EML4: variants seen among roughly 807,000 people sequenced by gnomAD.
The protein encoded by EML4 is echinoderm microtubule-associated protein-like 4.
In EML4, 72 loss-of-function variants were observed where a neutral mutation model predicts 129.0. The ratio of observed to expected loss-of-function variants is 0.56; its 90% confidence interval spans 0.46 to 0.68. The LOEUF is 0.68. Ranked by LOEUF, EML4 falls within the 30% of genes least tolerant of loss-of-function variation. The pLI, the probability that EML4 is intolerant of heterozygous loss-of-function variation, is 0.00. For synonymous variants in EML4, 532 were observed against 405.0 expected (o/e 1.31, Z -3.77); for missense variants, 1,363 against 1,190.6 (o/e 1.14, Z -2.13).
intron 1 of EML4, among the ~76,000 whole-genome samples, chr2:42,236,833 CTT>C (rs1487702663): frequency 2.0e-5 from 3 of 152,088 alleles, no homozygotes; most frequent in Admixed American, 6.6e-5. Flanking sequence ...TGTTGTCACA[CTT>C]TACGTTTTTG....
At chr2:42,204,734 G>C (rs567501237) in intron 1 of EML4, among the ~76,000 whole-genome samples, 6 of 152,238 alleles carry the variant, frequency 3.9e-5, no homozygotes, top group African/African-American at 1.4e-4. Flanking sequence ...TGCTGTATTT[G>C]TTTTTTCTCC....
intron 1 of EML4, among the ~76,000 whole-genome samples, chr2:42,204,041 C>G: frequency 6.6e-6 from 1 of 152,022 alleles, no homozygotes; most frequent in Non-Finnish European, 1.5e-5. Context: ...CACCTCAGCC[C>G]TCCGAATAGC....
intron 5 of EML4, among the ~76,000 whole-genome samples, chr2:42,264,029 G>A (rs1292224179): frequency 1.3e-5 from 2 of 151,006 alleles, no homozygotes; most frequent in African/African-American, 4.9e-5. Context: ...GTGCCAGCCT[G>A]GTGTATGTTT....
chr2:42,206,215 A>AAT (rs1178595528), intron 1 of EML4, among the ~76,000 whole-genome samples: 7 of 152,072 alleles, frequency 4.6e-5, no homozygotes. Flanking sequence ...TTTTAATTTT[A>AAT]ATTAATATAT....
At chr2:42,241,503 C>T (rs1193867851) in intron 1 of EML4, among the ~76,000 whole-genome samples, 1 of 152,192 alleles carries the variant, frequency 6.6e-6, no homozygotes, top group African/African-American at 2.4e-5. Context: ...TTAACCCTAA[C>T]ATAGGCCATC....
chr2:42,323,440 A>C (rs1032461964), intron 19 of EML4, among the ~76,000 whole-genome samples: 7 of 152,200 alleles, frequency 4.6e-5, no homozygotes, highest in African/African-American at 1.4e-4. Context: ...GATTTCAGAA[A>C]GCTTCACTTC....
chr2:42,170,696 C>T (rs150823631), intron 1 of EML4, among the ~76,000 whole-genome samples: 3 of 152,314 alleles, frequency 2.0e-5, no homozygotes, highest in African/African-American at 7.2e-5. Context: ...TGGCTGATAA[C>T]GCAGTTGTGT....
chr2:42,229,538 G>A (rs1418915500), intron 1 of EML4, among the ~76,000 whole-genome samples: 3 of 152,082 alleles, frequency 2.0e-5, no homozygotes, highest in Non-Finnish European at 4.4e-5. Context: ...TAACTGTCTT[G>A]CAAGAGTCAC....
chr2:42,217,327 GT>G lies in EML4; in HGVS notation c.26-28169del, dbSNP rs146496479. ...CCCATCAAGGCAGTTGAGTCTCTAA[GT>G]TTTTTTTTCAGAGAAAGCAATTCTT... On this transcript the variant is annotated intron_variant, in intron 1 of 22. Transcript: ENST00000318522. Among the ~76,000 whole-genome samples, 1,271 of 151,280 alleles carry G rather than the reference GT, an allele frequency of 8.4e-3. 15 individuals carry two copies. Among genetic ancestry groups the G allele is most frequent in the African/African-American group, 0.029 (1,208 of 41,240 alleles).
chr2:42,261,040 TATA>T (rs1450574274), intron 3 of EML4, 78 bp from the exon 4 acceptor site: 7 of 1,073,872 alleles, frequency 6.5e-6, no homozygotes, highest in African/African-American at 3.1e-5. Context: ...TTTTGAATTA[TATA>T]ATAATCACTT....
chr2:42,196,451 T>G (rs1671900736), intron 1 of EML4, among the ~76,000 whole-genome samples: 1 of 152,284 alleles, frequency 6.6e-6, no homozygotes, highest in Middle Eastern at 3.4e-3. Flanking sequence ...TTAGACTGTC[T>G]GATAACAGCA....
At chr2:42,209,242 CT>C (rs1453061003) in intron 1 of EML4, among the ~76,000 whole-genome samples, 1 of 152,160 alleles carries the variant, frequency 6.6e-6, no homozygotes, top group Non-Finnish European at 1.5e-5. Flanking sequence ...GTTAACTTTT[CT>C]GGTTTTTTTC....
At chr2:42,278,516 G>A (rs1458168961) in intron 6 of EML4, among the ~76,000 whole-genome samples, 4 of 148,892 alleles carry the variant, frequency 2.7e-5, no homozygotes, top group Non-Finnish European at 5.9e-5. Flanking sequence ...GGAGGTTGCG[G>A]TGAGCCGAGC....
intron 6 of EML4, among the ~76,000 whole-genome samples, chr2:42,270,885 A>G (rs1297210164): frequency 6.6e-6 from 1 of 152,144 alleles, no homozygotes; most frequent in Non-Finnish European, 1.5e-5. Context: ...ACTTAATTCT[A>G]AAACCTATGT....
At chr2:42,169,670 G>A (rs375820938) in intron 1 of EML4, 34 bp downstream of exon 1, 74 of 1,594,096 alleles carry the variant, frequency 4.6e-5, no homozygotes, top group Non-Finnish European at 5.5e-5. Flanking sequence ...CGTCTTCTGC[G>A]AAGGGTAGGA....
chr2:42,268,256 T>A (rs547440985), intron 6 of EML4, among the ~76,000 whole-genome samples: 5 of 152,102 alleles, frequency 3.3e-5, no homozygotes, highest in African/African-American at 4.8e-5. Flanking sequence ...CAATACAATA[T>A]AACAACTAAT....
At chr2:42,186,944 T>C (rs1671283956) in intron 1 of EML4, among the ~76,000 whole-genome samples, 2 of 151,976 alleles carry the variant, frequency 1.3e-5, no homozygotes, top group African/African-American at 4.8e-5. Context: ...CTCATGCCTC[T>C]TTGTAGTCAG....
chr2:42,231,966 T>C (rs1206876313), intron 1 of EML4, among the ~76,000 whole-genome samples: 1 of 151,866 alleles, frequency 6.6e-6, no homozygotes, highest in Non-Finnish European at 1.5e-5. Context: ...AAAAATTATT[T>C]ATTTCTAATT....
At chr2:42,323,900 T>G (rs1669651902) in intron 19 of EML4, among the ~76,000 whole-genome samples, 1 of 150,440 alleles carries the variant, frequency 6.6e-6, no homozygotes, top group African/African-American at 2.5e-5. Flanking sequence ...GCCAAGATTA[T>G]GCCACTGCAC....
Sources: gnomAD v4.1 joint callset for allele counts (sites outside exome capture counted in the v4.1 genomes callset) on GRCh38, gnomAD v4.1.1 for gene constraint, MANE v1.5 for transcripts, NCBI Gene and HGNC (gene_info 2026-07-23, HGNC 2026-07-21) for gene names.